Variants in ABCA13 observed in about 807,000 individuals in gnomAD.
ABCA13 encodes the protein ATP binding cassette subfamily A member 13, also known as ATP-binding cassette sub-family A member 13.
ABCA13 carries 476 observed loss-of-function variants against 478.7 expected under a neutral mutation model. The ratio of observed to expected loss-of-function variants is 0.99; its 90% CI spans 0.92 to 1.07. ABCA13 has a LOEUF of 1.07. Among genes scored for constraint, ABCA13 ranks in the 50% least tolerant of loss-of-function variants. The pLI is 0.00. For synonymous variants in ABCA13, 2,252 were observed against 2,158.9 expected, an observed-to-expected ratio of 1.04 and a Z score of -1.20; for missense variants, 6,060 against 5,910.6, an observed-to-expected ratio of 1.03 and a Z score of -0.83.
intron 59 of ABCA13, among the ~76,000 whole-genome samples, chr7:48,633,935 GA>G (rs1794405199): frequency 1.4e-5 from 1 of 72,300 alleles, no homozygotes; most frequent in African/African-American, 5.5e-5. Flanking sequence ...TAGATACATA[GA>G]TAGATAGATA....
At chr7:48,414,003 T>C (rs1041917918) in intron 41 of ABCA13, among the ~76,000 whole-genome samples, 1 of 152,208 alleles carries the variant, frequency 6.6e-6, no homozygotes, top group African/African-American at 2.4e-5. Flanking sequence ...TGGTTGATGC[T>C]CTGTATTCCA....
chr7:48,213,891 C>A (rs910619318), intron 3 of ABCA13, among the ~76,000 whole-genome samples: 3 of 152,200 alleles, frequency 2.0e-5, no homozygotes, highest in Non-Finnish European at 4.4e-5. Flanking sequence ...TGCAACAATT[C>A]TGTCACATCT....
At chr7:48,218,137 A>G (rs1006081634) in intron 3 of ABCA13, among the ~76,000 whole-genome samples, 8 of 152,244 alleles carry the variant, frequency 5.3e-5, no homozygotes, top group Admixed American at 3.9e-4. Context: ...TGAGATAATA[A>G]CTAGAAAAAG....
chr7:48,265,701 T>A (rs1203537614), intron 15 of ABCA13, among the ~76,000 whole-genome samples: 1 of 151,732 alleles, frequency 6.6e-6, no homozygotes, highest in African/African-American at 2.4e-5. Context: ...CTATAAATCA[T>A]GTTATCTGTG....
Position 48,273,720 on chromosome 7 carries a change from A to T in ABCA13, c.4054A>T (p.Asn1352Tyr), listed in dbSNP as rs1433446614. The T allele has an allele frequency of 2.5e-6, 4 of 1,609,136 alleles. No homozygotes were observed. Among genetic ancestry groups the T allele is most frequent in the Non-Finnish European group, 2.5e-6 (3 of 1,177,370 alleles). ...GTTTTCCTGTGCTGATATTTTCCAA[A>T]ATGTTACTGAGTGTATTTTAGAAGA... ...DLFSCADIFQNVTECILEDGF... is the reference protein window; with the variant it reads ...DLFSCADIFQYVTECILEDGF... Residue 1352 changes from asparagine to tyrosine, a missense_variant, in exon 17 of 62, where the codon AAT becomes TAT. Around this residue, in one of 3 missense-constraint regions of ABCA13, gnomAD observed 4,423 missense variants for 4,309.1 expected, o/e 1.03. Transcript: ENST00000435803.
At position 48,204,608 on chromosome 7, in the gene ABCA13, A is replaced by ATGC. The variant is rs560112222; in HGVS notation, c.287+6250_287+6252dup. On this transcript the variant is annotated intron_variant, in intron 3 of 61. Transcript: ENST00000435803. Reference sequence around the variant, plus strand: ...CTTCTGTGCCTGCCGTCCCATTCCGATGCTTTGGGGCCCTCCACAATGATG... The same window carrying ATGC: ...CTTCTGTGCCTGCCGTCCCATTCCGATGCTGCTTTGGGGCCCTCCACAATGATG... Among the ~76,000 whole-genome samples the ATGC allele has an allele frequency of 2.5e-3, 375 of 152,114 alleles. 5 individuals carry two copies. Among genetic ancestry groups the ATGC allele is most frequent in the African/African-American group, 8.6e-3 (357 of 41,464 alleles).
intron 59 of ABCA13, among the ~76,000 whole-genome samples, chr7:48,634,789 C>T (rs557200308): frequency 6.6e-6 from 1 of 152,258 alleles, no homozygotes; most frequent in Admixed American, 6.5e-5. Flanking sequence ...TCTCCAAGCA[C>T]TGCTTTAGCT....
At chr7:48,570,547 T>C (rs1414756657) in intron 55 of ABCA13, among the ~76,000 whole-genome samples, 2 of 151,784 alleles carry the variant, frequency 1.3e-5, no homozygotes, top group Non-Finnish European at 2.9e-5. Context: ...GTGGTCTTGA[T>C]CTCCTCACCT....
intron 42 of ABCA13, among the ~76,000 whole-genome samples, chr7:48,430,026 A>G (rs757310702): frequency 2.4e-4 from 36 of 152,182 alleles, no homozygotes; most frequent in Non-Finnish European, 4.7e-4. Flanking sequence ...TGGCGCTGTT[A>G]TCATGGTTAT....
At chr7:48,537,470 G>A (rs1272474966) in intron 55 of ABCA13, among the ~76,000 whole-genome samples, 3 of 152,100 alleles carry the variant, frequency 2.0e-5, no homozygotes, top group Non-Finnish European at 4.4e-5. Context: ...TGCATCTCAC[G>A]GATGGAGCAA....
In ABCA13 at chr7:48,392,064, G is replaced by A. The variant is rs777323540; in HGVS notation, c.11798G>A (p.Arg3933Gln). Residue 3933 changes from arginine to glutamine, a missense_variant, in exon 38 of 62, where the codon CGG becomes CAG. By Grantham distance (43) the Arg-to-Gln change is conservative. Transcript: ENST00000435803. Reference sequence around the variant, plus strand: ...ATCCTGTTGGACAACCTCACCGTCCGGGAACATTTGCTGCTCTTTGCTTCC... The same window carrying A: ...ATCCTGTTGGACAACCTCACCGTCCAGGAACATTTGCTGCTCTTTGCTTCC... The part of the protein sequence containing the change: ...QDILLDNLTV[R>Q]EHLLLFASIK... 16 of 1,613,838 alleles carry A rather than the reference G, an allele frequency of 9.9e-6. No homozygotes were observed. The highest frequency in any genetic ancestry group is 1.3e-5 in the Non-Finnish European group (15 of 1,179,894).
intron 59 of ABCA13, among the ~76,000 whole-genome samples, chr7:48,640,843 G>A (rs554774447): frequency 4.9e-4 from 75 of 152,174 alleles, no homozygotes; most frequent in African/African-American, 1.4e-3. Flanking sequence ...ATAATTTTAC[G>A]TTTAGAAGTC....
chr7:48,249,889 G>A (rs1024480925), intron 15 of ABCA13, among the ~76,000 whole-genome samples: 8 of 151,530 alleles, frequency 5.3e-5, no homozygotes, highest in Admixed American at 3.3e-4. Context: ...CCTACAATTC[G>A]ATTCAATTCT....
intron 10 of ABCA13, among the ~76,000 whole-genome samples, chr7:48,242,196 C>G (rs1790940885): frequency 1.3e-5 from 2 of 152,064 alleles, no homozygotes; most frequent in African/African-American, 4.8e-5. Context: ...TGCCCCCTGG[C>G]ACTTTAGCCT....
intron 34 of ABCA13, among the ~76,000 whole-genome samples, chr7:48,374,820 C>T (rs190230028): frequency 2.0e-5 from 3 of 152,284 alleles, no homozygotes; most frequent in African/African-American, 7.2e-5. Context: ...CTGAGCCTTA[C>T]AGCAGGAGGT....
At position 48,278,494 on chromosome 7, in the gene ABCA13, C is replaced by T. The variant is rs765665938; in HGVS notation, c.7300C>T (p.Pro2434Ser). 3.1e-6 allele frequency: 5 copies of T among 1,613,828 alleles called. No homozygotes were observed. The Admixed American group carries it at 5.0e-5, about 16-fold the overall frequency. ...ARLLDTILHSPNKDFYALYPT... is the reference protein window; with the variant it reads ...ARLLDTILHSSNKDFYALYPT... ...ACTTCTGGATACAATTTTACACTCT[C>T]CTAATAAGGACTTCTATGCTTTGTA... The change falls in exon 18 of 62, where the codon CCT (proline) becomes TCT (serine). Residue 2434 changes from proline to serine, a missense_variant. This residue lies in a region of ABCA13 where 4,423 missense variants were observed against 4,309.1 expected (regional missense o/e 1.03). Transcript: ENST00000435803.
At chr7:48,521,629 G>A (rs1007123026) in intron 53 of ABCA13, among the ~76,000 whole-genome samples, 4 of 152,038 alleles carry the variant, frequency 2.6e-5, no homozygotes, top group African/African-American at 7.2e-5. Flanking sequence ...AAACTGTAAT[G>A]TAGGATCCCC....
chr7:48,387,734 C>A, intron 35 of ABCA13, 88 bp from the exon 36 acceptor site: 1 of 1,077,974 alleles, frequency 9.3e-7, no homozygotes, highest in Non-Finnish European at 1.3e-6. Context: ...CATGGGATGA[C>A]ATTTTATATT....
chr7:48,379,992 G>C (rs117711650), intron 35 of ABCA13, among the ~76,000 whole-genome samples: 5,367 of 152,212 alleles, frequency 0.035, 114 homozygotes, highest in Middle Eastern at 0.061. Flanking sequence ...TTCTTTAGTA[G>C]TGACAGGAAA....
Sources: allele counts gnomAD v4.1 joint callset (sites outside exome capture counted in the v4.1 genomes callset), GRCh38; gene constraint gnomAD v4.1.1; regional missense constraint gnomAD v4.1.1; transcripts MANE v1.5; gene names NCBI Gene and HGNC (gene_info 2026-07-23, HGNC 2026-07-21).